PDE8A: variants seen among roughly 807,000 people sequenced by gnomAD.
The protein encoded by PDE8A is high affinity cAMP-specific and IBMX-insensitive 3',5'-cyclic phosphodiesterase 8A.
PDE8A carries 59 observed loss-of-function variants against 105.0 expected under a neutral mutation model. That is an observed-to-expected ratio of 0.56 (90% CI 0.46 to 0.70). The LOEUF is 0.70. Ranked by LOEUF, PDE8A falls within the 30% of genes least tolerant of loss-of-function variation. The pLI is 0.00. For synonymous variants in PDE8A, 355 were observed against 371.9 expected, an observed-to-expected ratio of 0.95 and a Z score of 0.52; for missense variants, 1,014 against 1,045.9, an observed-to-expected ratio of 0.97 and a Z score of 0.42.
chr15:85,011,778 A>G (rs12911275), intron 1 of PDE8A, among the ~76,000 whole-genome samples: 7,612 of 152,284 alleles, frequency 0.05, 269 homozygotes, highest in Middle Eastern at 0.1. Context: ...AATGGGAGAA[A>G]ATTTTCGCAA....
chr15:85,096,802 C>T (rs1043721329), intron 8 of PDE8A, among the ~76,000 whole-genome samples: 1 of 152,170 alleles, frequency 6.6e-6, no homozygotes, highest in Non-Finnish European at 1.5e-5. Flanking sequence ...TTTGATATAG[C>T]CCTTTTTTGG....
Position 85,137,980 on chromosome 15 carries a change from G to T in PDE8A, c.*77G>T. On this transcript the variant is annotated 3_prime_UTR_variant, in exon 22 of 22. Coordinates refer to ENST00000394553, the MANE Select transcript of PDE8A (RefSeq NM_002605.3). ...TTCCTGAGGGCAGCCAGAGCTCCTT[G>T]GTCCTTTCAGTACTAGGCAGAACAG... 1.1e-6 allele frequency: 1 copy of T among 883,214 alleles called. No individual in the cohort carries two copies. Among genetic ancestry groups the T allele is most frequent in the Non-Finnish European group, 1.9e-6 (1 of 534,148 alleles). 54.7% of individuals were successfully genotyped at this position (883,214 alleles called of 1,614,324 possible). A position where few individuals can be genotyped will look rare whatever the true frequency, so the allele number is the denominator to read the frequency against.
chr15:85,059,032 C>G (rs963920796), intron 1 of PDE8A, among the ~76,000 whole-genome samples: 1 of 152,068 alleles, frequency 6.6e-6, no homozygotes, highest in Non-Finnish European at 1.5e-5. Context: ...TAATGTTCCC[C>G]TTAGCCTGTT....
intron 1 of PDE8A, among the ~76,000 whole-genome samples, chr15:85,028,122 G>A (rs764024285): frequency 7.9e-5 from 12 of 152,032 alleles, no homozygotes; most frequent in Non-Finnish European, 1.6e-4. Context: ...AATCTTTTTT[G>A]AATATATATG....
Position 84,981,903 on chromosome 15 carries a change from C to G in PDE8A, c.-260C>G, listed in dbSNP as rs1177877527. On this transcript the variant is annotated 5_prime_UTR_variant, in exon 1 of 22. Coordinates refer to ENST00000394553, the MANE Select transcript of PDE8A (RefSeq NM_002605.3). ...TGTGAGAGGCGGCCGTCGGCTCCTG[C>G]CTCAGGAAGGGCATGTTCGGAGGGG... The G allele has an allele frequency of 4.2e-6, 1 of 240,116 alleles. No homozygotes were observed. Among genetic ancestry groups the G allele is most frequent in the African/African-American group, 2.3e-5 (1 of 43,762 alleles). The allele number at this position is 240,116 out of a possible 1,614,324, so 14.9% of individuals were successfully genotyped here. A position where few individuals can be genotyped will look rare whatever the true frequency, so the allele number is the denominator to read the frequency against.
chr15:85,076,823 C>G (rs1307825982), intron 5 of PDE8A, 36 bp downstream of exon 5: 1 of 1,240,010 alleles, frequency 8.1e-7, no homozygotes, highest in South Asian at 1.2e-5. Context: ...AAGTATAATT[C>G]AATTTGAGAA....
intron 1 of PDE8A, among the ~76,000 whole-genome samples, chr15:85,010,257 A>G (rs772420081): frequency 1.3e-5 from 2 of 152,184 alleles, no homozygotes; most frequent in Admixed American, 6.5e-5. Context: ...TTCTGTAAGT[A>G]TGTTAACCTT....
At chr15:84,993,787 C>G (rs2079931141) in intron 1 of PDE8A, among the ~76,000 whole-genome samples, 3 of 152,068 alleles carry the variant, frequency 2.0e-5, no homozygotes, top group Non-Finnish European at 4.4e-5. Context: ...GCTACTTAGA[C>G]TGAGGTGGGA....
chr15:85,024,724 A>G (rs765356560), intron 1 of PDE8A, among the ~76,000 whole-genome samples: 2 of 151,986 alleles, frequency 1.3e-5, no homozygotes, highest in Non-Finnish European at 2.9e-5. Flanking sequence ...TCATTCCCCT[A>G]TTGACTCTTA....
At chr15:85,029,725 C>G (rs779287607) in intron 1 of PDE8A, among the ~76,000 whole-genome samples, 4 of 152,148 alleles carry the variant, frequency 2.6e-5, no homozygotes, top group Admixed American at 2.6e-4. Context: ...TGAAGCTGCA[C>G]ATTCTGCCAT....
Position 85,113,933 on chromosome 15 carries a change from G to C in PDE8A, c.1246G>C (p.Asp416His), listed in dbSNP as rs1365953268. ...SSPMPVTEAL[D>H]RVLEILRTTE... ...TCCCATGCCTGTGACAGAAGCCCTAGACCGTGTGCTGGAAATTCTAAGAAC... is the reference window on the plus strand; with the variant it reads ...TCCCATGCCTGTGACAGAAGCCCTACACCGTGTGCTGGAAATTCTAAGAAC... Residue 416 changes from aspartate (D) to histidine (H), a missense_variant, in exon 14 of 22, where the codon GAC becomes CAC. Asp to His is a moderately conservative substitution (Grantham distance 81). Transcript: ENST00000394553. 1 of 1,613,520 alleles carries C rather than the reference G, an allele frequency of 6.2e-7. No individual in the cohort carries two copies. The highest frequency in any genetic ancestry group is 8.5e-7 in the Non-Finnish European group (1 of 1,179,414).
intron 1 of PDE8A, among the ~76,000 whole-genome samples, chr15:85,026,189 G>T (rs2080513219): frequency 6.6e-6 from 1 of 152,186 alleles, no homozygotes; most frequent in Admixed American, 6.5e-5. Flanking sequence ...ACATTAAACA[G>T]TAACCGTTTA....
chr15:85,089,246 C>T (rs1596506274), intron 6 of PDE8A, 92 bp from the exon 7 acceptor site: 15 of 721,702 alleles, frequency 2.1e-5, no homozygotes, highest in East Asian at 2.8e-5. Flanking sequence ...CCTTATAAAT[C>T]GGACAAAAAA....
chr15:85,103,987 C>T (rs1488706099), intron 11 of PDE8A, among the ~76,000 whole-genome samples: 1 of 152,210 alleles, frequency 6.6e-6, no homozygotes, highest in Non-Finnish European at 1.5e-5. Context: ...TACTCCCAGA[C>T]ATGGGAAGGA....
chr15:85,115,806 A>G, intron 15 of PDE8A, 178 bp from the exon 16 acceptor site: 1 of 588,774 alleles, frequency 1.7e-6, no homozygotes, highest in Non-Finnish European at 3.0e-6. Flanking sequence ...CTGTAATCCC[A>G]CTACTCAGGA....
intron 3 of PDE8A, among the ~76,000 whole-genome samples, chr15:85,074,637 A>C (rs1030936014): frequency 2.6e-5 from 4 of 152,238 alleles, no homozygotes; most frequent in Non-Finnish European, 4.4e-5. Flanking sequence ...TGATTGCACC[A>C]CTGTACTCCA....
At chr15:85,116,444 T>C in intron 16 of PDE8A, 1 of 263,804 alleles carries the variant, frequency 3.8e-6, no homozygotes, top group South Asian at 7.7e-5. Context: ...GCTCAGAGCC[T>C]AGAACCAAAA....
At chr15:85,076,255 G>A (rs939229243) in intron 4 of PDE8A, among the ~76,000 whole-genome samples, 1 of 152,086 alleles carries the variant, frequency 6.6e-6, no homozygotes, top group African/African-American at 2.4e-5. Context: ...CTTAGGTTTT[G>A]TCTTTAAATT....
chr15:85,015,323 C>A (rs2080307439), intron 1 of PDE8A, among the ~76,000 whole-genome samples: 1 of 151,802 alleles, frequency 6.6e-6, no homozygotes, highest in Non-Finnish European at 1.5e-5. Flanking sequence ...ACCTCCCGGG[C>A]TCAGGTGATC....
Sources: allele counts gnomAD v4.1 joint callset (sites outside exome capture counted in the v4.1 genomes callset), GRCh38; gene constraint gnomAD v4.1.1; transcripts MANE v1.5; gene names NCBI Gene and HGNC (gene_info 2026-07-23, HGNC 2026-07-21).